Variants in GNAS observed in about 807,000 individuals in gnomAD.
GNAS encodes the protein protein ALEX.
A neutral mutation model predicts 54.5 loss-of-function variants in GNAS; 8 were observed. That is an observed-to-expected ratio of 0.15 (90% CI 0.09 to 0.26). GNAS has a LOEUF of 0.26. Among genes scored for constraint, GNAS ranks in the 10% least tolerant of loss-of-function variants. GNAS has a pLI of 1.00. For missense variants in GNAS, 170 were observed against 529.8 expected, an observed-to-expected ratio of 0.32 and a Z score of 6.67; for synonymous variants, 204 against 191.4, an observed-to-expected ratio of 1.07 and a Z score of -0.54.
In GNAS at chr20:58,910,301, A is replaced by C. The variant is rs1454504928; in HGVS notation, c.971-33A>C. 2 of 1,527,284 alleles carry C rather than the reference A, an allele frequency of 1.3e-6. No homozygotes were observed. Among genetic ancestry groups the C allele is most frequent in the Admixed American group, 3.3e-5 (2 of 59,920 alleles). 94.6% of individuals were successfully genotyped at this position (1,527,284 alleles called of 1,614,324 possible). On this transcript the variant is annotated intron_variant, in intron 11 of 12. Transcript: ENST00000371085. The surrounding 1 kb of genome is among the most constrained non-coding windows in gnomAD (Gnocchi z 5.8). ...GCACCCCAGCTCTGCTTGAATTTTA[A>C]ATTACATTAATATGTATTCCCTTTT...
At chr20:58,906,559 T>C (rs1041728969) in intron 6 of GNAS, among the ~76,000 whole-genome samples, 1 of 152,080 alleles carries the variant, frequency 6.6e-6, no homozygotes, top group Non-Finnish European at 1.5e-5. Context: ...TGAAACGGAG[T>C]CTCACTCTGT....
intron 1 of GNAS, among the ~76,000 whole-genome samples, chr20:58,847,953 G>A (rs1398215288): frequency 1.3e-5 from 2 of 152,180 alleles, no homozygotes; most frequent in African/African-American, 4.8e-5. Flanking sequence ...GACTGTTTGG[G>A]AGGCCCAGGG....
rs1030478188 is a variant in GNAS at position 58,853,275 on chromosome 20, C to T, written c.43+12389C>T. 1.5e-5 allele frequency: 23 copies of T among 1,546,150 alleles called. No individual in the cohort carries two copies. In the Admixed American group the frequency reaches 1.8e-4, roughly 12 times the overall value. On this transcript the variant is annotated intron_variant, in intron 1 of 12. Transcript: ENST00000306090. This position sits in a 1 kb window ranked among gnomAD's most constrained non-coding sequence, Gnocchi z 4.4. The stretch of plus-strand genomic sequence containing the variant: ...AGGCCGCCACCGTGTTATGGGCGTG[C>T]GCAACTGCCTCTACGGCAATAATAT...
intron 1 of GNAS, among the ~76,000 whole-genome samples, chr20:58,845,320 GT>G (rs556429285): frequency 2.9e-4 from 44 of 152,198 alleles, no homozygotes; most frequent in South Asian, 4.1e-4. Context: ...CTCAACCTTT[GT>G]TTTTTTCATG....
At position 58,840,904 on chromosome 20, in the gene GNAS, A is replaced by G; in HGVS notation, c.43+18A>G. Reference sequence around the variant, plus strand: ...GGATTCAGGTTAGTTGCCCACCGCTAAACTGGGGAGCCTGAGGGCGGTGTG... The same window carrying G: ...GGATTCAGGTTAGTTGCCCACCGCTGAACTGGGGAGCCTGAGGGCGGTGTG... On this transcript the variant is annotated intron_variant, in intron 1 of 12. Transcript: ENST00000306090. The surrounding 1 kb of genome is among the most constrained non-coding windows in gnomAD (Gnocchi z 6.0). 1 of 1,611,726 alleles carries G rather than the reference A, an allele frequency of 6.2e-7. No individual in the cohort carries two copies. The highest frequency in any genetic ancestry group is 8.5e-7 in the Non-Finnish European group (1 of 1,179,464).
At chr20:58,908,065 A>C (rs993085064) in intron 6 of GNAS, among the ~76,000 whole-genome samples, 22 of 152,234 alleles carry the variant, frequency 1.4e-4, no homozygotes, top group African/African-American at 4.6e-4. Context: ...TGGGCAAGTT[A>C]GTATATCCTC....
At chr20:58,855,741 G>A in intron 1 of GNAS, 2 of 622,726 alleles carry the variant, frequency 3.2e-6, no homozygotes, top group Non-Finnish European at 5.8e-6. Flanking sequence ...TGGGGAAGGC[G>A]CGCCCCGCCT....
Position 58,891,472 on chromosome 20 carries a change from C to CA in GNAS, c.-254dup. On this transcript the variant is annotated 5_prime_UTR_variant, in exon 1 of 13. Transcript: ENST00000371085. ...TCCGCCTCGGCCCGGCGGCGGCCAT[C>CA]AGCCCCCTCGGCCTCGGCTCGAGGG... The CA allele has an allele frequency of 1.1e-6, 1 of 903,774 alleles. No homozygotes were observed. The highest frequency in any genetic ancestry group is 1.3e-6 in the Non-Finnish European group (1 of 757,552). The allele number at this position is 903,774 out of a possible 1,614,324, so 56.0% of individuals were successfully genotyped here. A position where few individuals can be genotyped will look rare whatever the true frequency, so the allele number is the denominator to read the frequency against.
rs1054081729 is a variant in GNAS, at chr20:58,841,298, A to G, written c.43+412A>G. On this transcript the variant is annotated intron_variant, in intron 1 of 12. Coordinates refer to the GNAS transcript ENST00000306090. The surrounding 1 kb of genome is among the most constrained non-coding windows in gnomAD (Gnocchi z 5.0). ...AATAAGTTGGCCTTCTCAGGTGTCC[A>G]AAATGTGGTTCGGAGGTGCGCGCGC... The G allele has an allele frequency of 1.9e-6, 2 of 1,069,348 alleles. No individual in the cohort carries two copies. Among genetic ancestry groups the G allele is most frequent in the Admixed American group, 4.9e-5 (1 of 20,260 alleles). The allele number at this position is 1,069,348 out of a possible 1,614,324, so 66.2% of individuals were successfully genotyped here.
At chr20:58,905,214 T>A (rs2090957104) in intron 5 of GNAS, among the ~76,000 whole-genome samples, 169 bp from the exon 6 acceptor site, 1 of 152,228 alleles carries the variant, frequency 6.6e-6, no homozygotes, top group South Asian at 2.1e-4. Flanking sequence ...ATGTTTAACG[T>A]GTTGAATTAA....
chr20:58,904,745 T>A lies in GNAS; in HGVS notation c.433-638T>A, dbSNP rs557278534. Among the ~76,000 whole-genome samples, 148 of 152,332 alleles carry A rather than the reference T, an allele frequency of 9.7e-4. 2 individuals are homozygous for A. Among genetic ancestry groups the A allele is most frequent in the African/African-American group, 3.4e-3 (143 of 41,574 alleles). ...AGTTAGTATGGATAGCTAAACTTTT[T>A]AAATAGCATTATTTTGAAAAAAAAG... On this transcript the variant is annotated intron_variant, in intron 5 of 12. Transcript: ENST00000371085.
At chr20:58,890,402 C>T (rs2089071227), upstream of GNAS, among the ~76,000 whole-genome samples, 2 of 151,594 alleles carry the variant, frequency 1.3e-5, no homozygotes, top group South Asian at 2.1e-4. Context: ...ACGCCTACTA[C>T]GCGGCGCCGC....
chr20:58,895,631 A>G lies in GNAS; in HGVS notation c.159A>G (p.Lys53=), dbSNP rs143563082. 4.0e-5 allele frequency: 65 copies of G among 1,604,966 alleles called. No individual in the cohort carries two copies. In the African/African-American group the frequency reaches 6.4e-4, roughly 16 times the overall value. The change falls in exon 2 of 13, where the codon AAA becomes AAG. Residue 53 remains lysine, a synonymous_variant. Transcript: ENST00000371085. ...TTCTAGGTGCTGGAGAATCTGGTAAAAGCACCATTGTGAAGCAGATGAGGA... is the reference window on the plus strand; with the variant it reads ...TTCTAGGTGCTGGAGAATCTGGTAAGAGCACCATTGTGAAGCAGATGAGGA... The part of the protein sequence containing the change: ...LLLLGAGESG[K]STIVKQMRIL...
chr20:58,851,078 T>C (rs1258521785), intron 1 of GNAS, among the ~76,000 whole-genome samples: 1 of 152,190 alleles, frequency 6.6e-6, no homozygotes, highest in Non-Finnish European at 1.5e-5. Flanking sequence ...GGTTAAGCCG[T>C]CTTGCGTGGG....
upstream of GNAS, among the ~76,000 whole-genome samples, chr20:58,891,003 A>T (rs1163642396): frequency 6.8e-6 from 1 of 147,110 alleles, no homozygotes; most frequent in Non-Finnish European, 1.5e-5. Context: ...GAGGGGGAGG[A>T]GGCCTCGGGG....
intron 1 of GNAS, among the ~76,000 whole-genome samples, chr20:58,872,563 T>C (rs2087541879): frequency 6.6e-6 from 1 of 152,210 alleles, no homozygotes; most frequent in African/African-American, 2.4e-5. Flanking sequence ...CCTTCCTCCC[T>C]TCCTTCCTTT....
At chr20:58,900,083 G>C (rs900915231) in intron 3 of GNAS, 18 of 584,136 alleles carry the variant, frequency 3.1e-5, no homozygotes, top group Non-Finnish European at 5.6e-5. Context: ...GGGGGAGGGG[G>C]GATGGGGCCC....
intron 1 of GNAS, among the ~76,000 whole-genome samples, chr20:58,877,830 A>G (rs773668308): frequency 4.6e-5 from 7 of 152,202 alleles, no homozygotes; most frequent in Non-Finnish European, 8.8e-5. Flanking sequence ...TGTTGCCACA[A>G]TGCCCAAAAG....
intron 1 of GNAS, chr20:58,855,573 C>A (rs967732544): frequency 9.8e-6 from 7 of 717,884 alleles, no homozygotes; most frequent in East Asian, 2.7e-5. Flanking sequence ...TGGTGCCGAG[C>A]GACACTGAGG....
Sources: allele counts gnomAD v4.1 joint callset (sites outside exome capture counted in the v4.1 genomes callset), GRCh38; gene constraint gnomAD v4.1.1; non-coding constraint Gnocchi (gnomAD v3.1); transcripts MANE v1.5; gene names NCBI Gene and HGNC (gene_info 2026-07-23, HGNC 2026-07-21).